DPP6: variants seen among roughly 807,000 people sequenced by gnomAD.
DPP6 encodes the protein A-type potassium channel modulatory protein DPP6.
Under a neutral mutation model 122.6 loss-of-function variants are expected in DPP6, and 69 were observed. The ratio of observed to expected loss-of-function variants is 0.56; its 90% CI spans 0.46 to 0.69. The LOEUF is 0.69. DPP6 is among the 30% of genes least tolerant of loss of function. The probability of loss-of-function intolerance (pLI) is 0.00; values close to 1 mark genes in which losing one functional copy is unlikely to be tolerated. For synonymous variants in DPP6, 418 were observed against 433.1 expected, an observed-to-expected ratio of 0.97 and a Z score of 0.43; for missense variants, 928 against 1,116.9, an observed-to-expected ratio of 0.83 and a Z score of 2.41.
intron 1 of DPP6, among the ~76,000 whole-genome samples, chr7:154,263,981 G>A (rs1803203239): frequency 6.6e-6 from 1 of 152,104 alleles, no homozygotes; most frequent in East Asian, 1.9e-4. Flanking sequence ...GTGAGCCACT[G>A]CACCCAACCT....
chr7:154,105,745 G>A (rs1284474189), intron 1 of DPP6, among the ~76,000 whole-genome samples: 4 of 152,128 alleles, frequency 2.6e-5, no homozygotes, highest in Admixed American at 6.5e-5. Context: ...GTCTGCTGCC[G>A]TGGAAGACGT....
chr7:154,247,589 G>A (rs939391697), intron 1 of DPP6, among the ~76,000 whole-genome samples: 1 of 141,978 alleles, frequency 7.0e-6, no homozygotes, highest in African/African-American at 3.0e-5. Flanking sequence ...AATCAAAAAG[G>A]TTGACAGCAC....
intron 21 of DPP6, among the ~76,000 whole-genome samples, chr7:154,882,018 G>A (rs1443194992): frequency 1.3e-5 from 2 of 152,210 alleles, no homozygotes; most frequent in African/African-American, 2.4e-5. Context: ...GCAGCTGAAA[G>A]GCAGGGAGCC....
intron 1 of DPP6, among the ~76,000 whole-genome samples, chr7:154,219,433 A>G (rs1478027376): frequency 6.6e-6 from 1 of 152,200 alleles, no homozygotes; most frequent in Non-Finnish European, 1.5e-5. Context: ...GTGGATAACC[A>G]TTTTCACACA....
At chr7:154,176,193 T>C (rs1797794800) in intron 1 of DPP6, among the ~76,000 whole-genome samples, 1 of 152,238 alleles carries the variant, frequency 6.6e-6, no homozygotes, top group Admixed American at 6.5e-5. Context: ...TCCCTGCTCC[T>C]TGCAGAGGAC....
intron 1 of DPP6, among the ~76,000 whole-genome samples, chr7:154,276,768 G>A (rs984309334): frequency 6.6e-6 from 1 of 151,936 alleles, no homozygotes; most frequent in Non-Finnish European, 1.5e-5. Flanking sequence ...TTCAAGCCTC[G>A]GGTCACAACA....
intron 1 of DPP6, among the ~76,000 whole-genome samples, chr7:154,272,669 G>T (rs572636827): frequency 9.1e-4 from 138 of 152,254 alleles, no homozygotes; most frequent in Non-Finnish European, 1.7e-3. Flanking sequence ...GAGGGGAAAC[G>T]TAAATGAGTG....
chr7:154,114,719 C>T (rs901816861), intron 1 of DPP6, among the ~76,000 whole-genome samples: 3 of 152,200 alleles, frequency 2.0e-5, no homozygotes, highest in African/African-American at 7.2e-5. Context: ...TATAATTAAT[C>T]TTCCACCTCA....
chr7:153,846,687 C>CTTTTTT, the DPP6 span, among the ~76,000 whole-genome samples: 42 of 78,206 alleles, frequency 5.4e-4, no homozygotes, highest in South Asian at 1.1e-3. Context: ...TGGCTTGGTT[C>CTTTTTT]TTTTTTTTTT....
At chr7:154,158,633 A>C (rs946093776) in intron 1 of DPP6, among the ~76,000 whole-genome samples, 1 of 151,974 alleles carries the variant, frequency 6.6e-6, no homozygotes, top group Non-Finnish European at 1.5e-5. Flanking sequence ...ATGAAACAAC[A>C]TTCCTCAAAG....
At chr7:154,671,625 T>A (rs1330021746) in intron 7 of DPP6, among the ~76,000 whole-genome samples, 1 of 150,142 alleles carries the variant, frequency 6.7e-6, no homozygotes, top group Non-Finnish European at 1.5e-5. Context: ...TAAAAGGAGT[T>A]GCTGTGCATG....
intron 1 of DPP6, among the ~76,000 whole-genome samples, chr7:154,141,409 T>C (rs1795837992): frequency 6.6e-6 from 1 of 152,218 alleles, no homozygotes; most frequent in African/African-American, 2.4e-5. Context: ...CTTTCTGAGC[T>C]GCTGAAAACA....
At chr7:153,773,327 TATA>T in the DPP6 span, among the ~76,000 whole-genome samples, 27 of 96,106 alleles carry the variant, frequency 2.8e-4, no homozygotes, top group East Asian at 1.6e-3. Context: ...TATATATATA[TATA>T]TTTTTTTTTA....
chr7:154,404,835 A>C (rs1014474299), intron 1 of DPP6, among the ~76,000 whole-genome samples: 25 of 152,224 alleles, frequency 1.6e-4, no homozygotes, highest in Non-Finnish European at 7.3e-5. Context: ...TTCCACGTCT[A>C]GAAATTTATT....
At chr7:154,232,710 T>C (rs1800987702) in intron 1 of DPP6, among the ~76,000 whole-genome samples, 1 of 152,236 alleles carries the variant, frequency 6.6e-6, no homozygotes, top group East Asian at 1.9e-4. Context: ...TTTAATGGAC[T>C]TCACACATTC....
intron 1 of DPP6, among the ~76,000 whole-genome samples, chr7:153,915,847 T>G (rs934564578): frequency 2.0e-5 from 3 of 152,238 alleles, no homozygotes; most frequent in African/African-American, 7.2e-5. Context: ...TTTAGACATG[T>G]CTTAAAGGAT....
At chr7:153,833,693 G>A in the DPP6 span, among the ~76,000 whole-genome samples, 26,032 of 151,596 alleles carry the variant, frequency 0.17, 2,288 homozygotes, top group Non-Finnish European at 0.2. Context: ...AAAGGTGGGG[G>A]TGTGTGGGGA....
chr7:154,562,425 C>A (rs1830480550), intron 4 of DPP6, among the ~76,000 whole-genome samples: 2 of 152,010 alleles, frequency 1.3e-5, no homozygotes, highest in South Asian at 4.1e-4. Flanking sequence ...TCTGAGCAAA[C>A]TAGAAATAGA....
chr7:154,381,480 T>C (rs1289463123), intron 1 of DPP6, among the ~76,000 whole-genome samples: 1 of 152,236 alleles, frequency 6.6e-6, no homozygotes, highest in African/African-American at 2.4e-5. Flanking sequence ...AGAGGATCTA[T>C]AGACATATGT....
Sources: gnomAD v4.1 joint callset for allele counts (sites outside exome capture counted in the v4.1 genomes callset) on GRCh38, gnomAD v4.1.1 for gene constraint, MANE v1.5 for transcripts, NCBI Gene and HGNC (gene_info 2026-07-23, HGNC 2026-07-21) for gene names.